The following COL21A1 variants were observed in gnomAD, a reference collection of about 807,000 sequenced individuals.
COL21A1 encodes the protein collagen alpha-1(XXI) chain.
A neutral mutation model predicts 137.9 loss-of-function variants in COL21A1; 149 were observed. That is an observed-to-expected ratio of 1.08 (90% CI 0.95 to 1.24). COL21A1 has a LOEUF of 1.24. COL21A1 is among the 50% of genes most tolerant of loss of function. The pLI, the probability that COL21A1 is intolerant of heterozygous loss-of-function variation, is 0.00. For missense variants in COL21A1, 1,167 were observed against 1,158.4 expected (o/e 1.01, Z -0.11); for synonymous variants, 456 against 391.5 (o/e 1.16, Z -1.95).
intron 1 of COL21A1, among the ~76,000 whole-genome samples, chr6:56,271,985 G>A (rs997509331): frequency 2.6e-5 from 4 of 152,250 alleles, no homozygotes; most frequent in Non-Finnish European, 4.4e-5. Flanking sequence ...CTGCTGCAGG[G>A]GCAGAGCCCT....
intron 1 of COL21A1, among the ~76,000 whole-genome samples, chr6:56,210,936 A>G (rs990888762): frequency 1.3e-5 from 2 of 151,976 alleles, no homozygotes; most frequent in Non-Finnish European, 2.9e-5. Flanking sequence ...GATATTTTTG[A>G]GTCAATCAGA....
intron 1 of COL21A1, among the ~76,000 whole-genome samples, chr6:56,268,643 C>T (rs1404943066): frequency 6.6e-6 from 1 of 152,150 alleles, no homozygotes; most frequent in Non-Finnish European, 1.5e-5. Context: ...ATTGACTATA[C>T]TCAACTTACA....
intron 1 of COL21A1, among the ~76,000 whole-genome samples, chr6:56,279,845 T>C (rs1763752468): frequency 6.6e-6 from 1 of 152,174 alleles, no homozygotes; most frequent in African/African-American, 2.4e-5. Context: ...TAACTTTCCC[T>C]TTATCTGTAA....
At chr6:56,192,430 A>G (rs541551243) in intron 1 of COL21A1, among the ~76,000 whole-genome samples, 1 of 152,122 alleles carries the variant, frequency 6.6e-6, no homozygotes, top group East Asian at 1.9e-4. Context: ...AAATCTATCC[A>G]TCTATCCAAC....
chr6:56,256,866 G>A (rs932107059), intron 1 of COL21A1, among the ~76,000 whole-genome samples: 4 of 151,824 alleles, frequency 2.6e-5, no homozygotes, highest in African/African-American at 4.8e-5. Flanking sequence ...AAGGAGAAAT[G>A]AGCATGGGCA....
intron 1 of COL21A1, among the ~76,000 whole-genome samples, chr6:56,281,634 G>A (rs769320046): frequency 6.6e-6 from 1 of 152,182 alleles, no homozygotes; most frequent in Admixed American, 6.5e-5. Context: ...GGATTTGTCT[G>A]TCTCTTTCTT....
intron 1 of COL21A1, among the ~76,000 whole-genome samples, chr6:56,207,181 A>G (rs1680003823): frequency 6.6e-6 from 1 of 152,190 alleles, no homozygotes; most frequent in African/African-American, 2.4e-5. Context: ...ATAAGAAATA[A>G]CTAAGATCAC....
chr6:56,184,528 G>A (rs1247197904), intron 1 of COL21A1, among the ~76,000 whole-genome samples: 6 of 152,100 alleles, frequency 3.9e-5, no homozygotes, highest in African/African-American at 1.4e-4. Flanking sequence ...GAAAAAATTA[G>A]TAGTGGAACA....
chr6:56,078,255 T>C (rs1419658012), intron 17 of COL21A1: 4 of 455,200 alleles, frequency 8.8e-6, no homozygotes, highest in Admixed American at 7.1e-5. Flanking sequence ...AGCACATTTA[T>C]TGCTTGCAGA....
chr6:56,226,233 C>T (rs911069498), intron 1 of COL21A1, among the ~76,000 whole-genome samples: 39 of 151,640 alleles, frequency 2.6e-4, no homozygotes, highest in African/African-American at 8.7e-4. Flanking sequence ...CAGGTGTATA[C>T]CAAAAAAAGT....
intron 1 of COL21A1, among the ~76,000 whole-genome samples, chr6:56,222,061 T>A (rs1780863394): frequency 6.6e-6 from 1 of 151,984 alleles, no homozygotes. Flanking sequence ...TTACCTGAGG[T>A]CAGGAATTCG....
At chr6:56,115,192 C>T (rs1448396109) in intron 16 of COL21A1, among the ~76,000 whole-genome samples, 41 of 150,772 alleles carry the variant, frequency 2.7e-4, no homozygotes, top group African/African-American at 1.0e-3. Flanking sequence ...ATACCTAATG[C>T]TAGATGACGA....
chr6:56,324,086 G>A (rs1235313784), intron 1 of COL21A1, among the ~76,000 whole-genome samples: 2 of 151,914 alleles, frequency 1.3e-5, no homozygotes, highest in East Asian at 1.9e-4. Context: ...CACAGATGTA[G>A]GAAATAAAAG....
chr6:56,334,763 A>T (rs1319321817), intron 1 of COL21A1, among the ~76,000 whole-genome samples: 2 of 152,186 alleles, frequency 1.3e-5, no homozygotes, highest in East Asian at 3.9e-4. Flanking sequence ...TGATTAGGTC[A>T]TGAGGGCTCT....
chr6:56,352,300 T>C (rs1765726243), intron 1 of COL21A1, among the ~76,000 whole-genome samples: 1 of 152,096 alleles, frequency 6.6e-6, no homozygotes, highest in African/African-American at 2.4e-5. Flanking sequence ...AGGCCCATGG[T>C]GTAGTCCACA....
intron 1 of COL21A1, among the ~76,000 whole-genome samples, chr6:56,346,023 AG>A (rs1434960736): frequency 2.6e-5 from 4 of 152,252 alleles, no homozygotes; most frequent in African/African-American, 9.6e-5. Context: ...AAAAATGAGT[AG>A]AACTGTTTTC....
At chr6:56,321,190 C>T (rs983451226) in intron 1 of COL21A1, among the ~76,000 whole-genome samples, 8 of 152,138 alleles carry the variant, frequency 5.3e-5, no homozygotes, top group Non-Finnish European at 1.0e-4. Context: ...TCTTATGAGT[C>T]AAGGCATTGA....
At position 56,124,084 on chromosome 6, in the gene COL21A1, A is replaced by G; in HGVS notation, c.1736T>C (p.Leu579Ser). ...TACCTTGAAACCGGGACTACCCATT[A>G]ATCCATCCTTTCCATGTCTTCCTGG... ...GEPGRHGKDGLMGSPGFKGEA... is the reference protein window; with the variant it reads ...GEPGRHGKDGSMGSPGFKGEA... Residue 579 changes from leucine to serine, a missense_variant, in exon 16 of 30, where the codon TTA (leucine) becomes TCA (serine). By Grantham distance (145) the Leu-to-Ser change is moderately radical. Coordinates refer to ENST00000244728, the MANE Select transcript of COL21A1 (RefSeq NM_030820.4). 1 of 1,534,192 alleles carries G rather than the reference A, an allele frequency of 6.5e-7. No individual in the cohort carries two copies.
chr6:56,112,482 C>T (rs1771514442), intron 16 of COL21A1, among the ~76,000 whole-genome samples: 1 of 151,962 alleles, frequency 6.6e-6, no homozygotes, highest in South Asian at 2.1e-4. Flanking sequence ...AGAGAAAAAA[C>T]AATCCTGAAT....
Sources: allele counts gnomAD v4.1 joint callset (sites outside exome capture counted in the v4.1 genomes callset), GRCh38; gene constraint gnomAD v4.1.1; transcripts MANE v1.5; gene names NCBI Gene and HGNC (gene_info 2026-07-23, HGNC 2026-07-21).